Variants in FGD6 observed in about 807,000 individuals in gnomAD.
FGD6 encodes FYVE, RhoGEF and PH domain containing 6, also known as FYVE, RhoGEF and PH domain-containing protein 6.
A neutral mutation model predicts 149.4 loss-of-function variants in FGD6; 90 were observed. The observed-to-expected ratio is 0.60, with a 90% CI of 0.51 to 0.72. The LOEUF (loss-of-function observed/expected upper bound fraction) is 0.72, where lower values mean the gene tolerates loss of function less well. Among genes scored for constraint, FGD6 ranks in the 30% least tolerant of loss-of-function variants. The pLI, the probability that FGD6 is intolerant of heterozygous loss-of-function variation, is 0.00. For synonymous variants in FGD6, 527 were observed against 584.0 expected, an observed-to-expected ratio of 0.90 and a Z score of 1.41; for missense variants, 1,437 against 1,684.8, an observed-to-expected ratio of 0.85 and a Z score of 2.57.
chr12:95,137,216 T>C (rs963045065), intron 7 of FGD6, among the ~76,000 whole-genome samples: 4 of 152,054 alleles, frequency 2.6e-5, no homozygotes, highest in African/African-American at 9.7e-5. Context: ...GAGGCGGAGG[T>C]TGCAGTGAGC....
intron 2 of FGD6, among the ~76,000 whole-genome samples, chr12:95,187,955 T>C (rs1881491141): frequency 6.6e-6 from 1 of 152,220 alleles, no homozygotes; most frequent in African/African-American, 2.4e-5. Flanking sequence ...TAATGACGAA[T>C]TCACAGGTAT....
intron 5 of FGD6, among the ~76,000 whole-genome samples, chr12:95,145,976 CT>C (rs1274412823): frequency 3.9e-5 from 6 of 152,110 alleles, no homozygotes; most frequent in African/African-American, 7.2e-5. Context: ...GCCAGGCCCC[CT>C]ATGCCATTGT....
intron 1 of FGD6, among the ~76,000 whole-genome samples, chr12:95,211,542 CTTT>C (rs59361079): frequency 7.0e-6 from 1 of 142,394 alleles, no homozygotes; most frequent in Non-Finnish European, 1.5e-5. Flanking sequence ...TCTTTTTCTT[CTTT>C]TTTTTTTTTT....
At chr12:95,134,372 G>C (rs1376292768) in intron 8 of FGD6, among the ~76,000 whole-genome samples, 1 of 152,136 alleles carries the variant, frequency 6.6e-6, no homozygotes, top group African/African-American at 2.4e-5. Context: ...ATGTGGGAGT[G>C]ACCCTCTAAA....
intron 8 of FGD6, among the ~76,000 whole-genome samples, chr12:95,114,195 G>A (rs11107903): frequency 0.085 from 12,997 of 152,172 alleles, 613 homozygotes; most frequent in East Asian, 0.15. Context: ...TATTTAAACA[G>A]GTGGTTTTCA....
chr12:95,134,264 G>A (rs560224175), intron 8 of FGD6, among the ~76,000 whole-genome samples: 6 of 152,008 alleles, frequency 3.9e-5, no homozygotes, highest in East Asian at 3.9e-4. Flanking sequence ...ACCCAGCTAC[G>A]GTACTATTCT....
chr12:95,110,277 G>C (rs962117187), intron 9 of FGD6, among the ~76,000 whole-genome samples: 1 of 150,318 alleles, frequency 6.7e-6, no homozygotes, highest in African/African-American at 2.5e-5. Flanking sequence ...CACCCGGCCT[G>C]TATTCTTTCC....
intron 2 of FGD6, among the ~76,000 whole-genome samples, chr12:95,205,878 G>T (rs985221316): frequency 6.6e-6 from 1 of 152,140 alleles, no homozygotes; most frequent in Non-Finnish European, 1.5e-5. Flanking sequence ...AAGTCTCCTT[G>T]GAAAGCGAAA....
At chr12:95,141,835 G>C (rs996024382) in intron 5 of FGD6, among the ~76,000 whole-genome samples, 1 of 152,130 alleles carries the variant, frequency 6.6e-6, no homozygotes, top group Non-Finnish European at 1.5e-5. Context: ...TCTGGAAATT[G>C]TAATGCAATT....
intron 2 of FGD6, among the ~76,000 whole-genome samples, chr12:95,190,685 A>T (rs912344845): frequency 6.6e-6 from 1 of 152,192 alleles, no homozygotes; most frequent in Admixed American, 6.5e-5. Flanking sequence ...ATCCTGAACT[A>T]TATGGATTAT....
In FGD6 at chr12:95,080,337, TTTCTTCTGCTAA is replaced by T. The variant is rs1452134859; in HGVS notation, c.*1171_*1182del. ...GGCTTTTATCACAGTGTTATTTCAT[TTTCTTCTGCTAA>T]TCAACAATTGTATGTGCAAGGTAGT... On this transcript the variant is annotated 3_prime_UTR_variant, in exon 21 of 21. Coordinates refer to ENST00000343958, the MANE Select transcript of FGD6 (RefSeq NM_018351.4). 2.0e-5 allele frequency: 3 copies of T among 152,218 alleles called. No individual in the cohort carries two copies. Among genetic ancestry groups the T allele is most frequent in the African/African-American group, 7.2e-5 (3 of 41,452 alleles). The allele number at this position is 152,218 out of a possible 1,614,324, so 9.4% of individuals were successfully genotyped here.
intron 2 of FGD6, among the ~76,000 whole-genome samples, chr12:95,190,002 T>C (rs1035755671): frequency 8.5e-5 from 13 of 152,224 alleles, no homozygotes; most frequent in African/African-American, 3.1e-4. Context: ...ACAGTGAATG[T>C]GCAGTAAGTA....
At chr12:95,148,556 A>ATATTATATAATATATAGCATATATTATAT (rs1565908127) in intron 5 of FGD6, among the ~76,000 whole-genome samples, 1 of 90,292 alleles carries the variant, frequency 1.1e-5, no homozygotes, top group Non-Finnish European at 2.4e-5. Context: ...ATTATATTAT[A>ATATTATATAATATATAGCATATATTATAT]TATTATATAT....
chr12:95,215,811 G>A (rs1251801406), intron 1 of FGD6, among the ~76,000 whole-genome samples: 1 of 152,112 alleles, frequency 6.6e-6, no homozygotes, highest in Non-Finnish European at 1.5e-5. Flanking sequence ...TGTTAAGACT[G>A]GAATTGAAAA....
At position 95,148,536 on chromosome 12, in the gene FGD6, T is replaced by TAATAC. The variant is rs375900550; in HGVS notation, c.2685+4274_2685+4275insGTATT. Among the ~76,000 whole-genome samples, 12 of 125,268 alleles carry TAATAC rather than the reference T, an allele frequency of 9.6e-5. No individual in the cohort carries two copies. The East Asian group carries it at 2.6e-3, about 27-fold the overall frequency. The allele number at this position is 125,268 out of a possible 152,430, so 82.2% of individuals were successfully genotyped here. ...ATATTATATTATATATTATATAATA[T>TAATAC]ATAGCATATATTATATTATATATTA... On this transcript the variant is annotated intron_variant, in intron 5 of 20. Transcript: ENST00000343958.
At chr12:95,128,973 C>G (rs1879429834) in intron 8 of FGD6, among the ~76,000 whole-genome samples, 1 of 152,126 alleles carries the variant, frequency 6.6e-6, no homozygotes, top group Non-Finnish European at 1.5e-5. Flanking sequence ...TTCTAATAAA[C>G]AGAATGAAAG....
At chr12:95,160,288 T>C (rs1880599303) in intron 3 of FGD6, among the ~76,000 whole-genome samples, 1 of 152,158 alleles carries the variant, frequency 6.6e-6, no homozygotes, top group Middle Eastern at 3.4e-3. Context: ...TTGTTCAACA[T>C]AGTTATTAGG....
At chr12:95,125,914 T>C (rs1879324868) in intron 8 of FGD6, 2 of 1,433,926 alleles carry the variant, frequency 1.4e-6, no homozygotes, top group East Asian at 4.6e-5. Flanking sequence ...GCCATGCCTT[T>C]CAAGTACATG....
intron 2 of FGD6, among the ~76,000 whole-genome samples, chr12:95,192,095 T>C (rs543560090): frequency 6.6e-6 from 1 of 152,314 alleles, no homozygotes; most frequent in African/African-American, 2.4e-5. Flanking sequence ...ACACAAATAG[T>C]TGTTATATTA....
Sources: allele counts gnomAD v4.1 joint callset (sites outside exome capture counted in the v4.1 genomes callset), GRCh38; gene constraint gnomAD v4.1.1; transcripts MANE v1.5; gene names NCBI Gene and HGNC (gene_info 2026-07-23, HGNC 2026-07-21).